PBX1: variants seen among roughly 807,000 people sequenced by gnomAD.
PBX1 encodes the protein PBX homeobox 1.
A neutral mutation model predicts 53.4 loss-of-function variants in PBX1; 6 were observed. That is an observed-to-expected ratio of 0.11 (90% CI 0.06 to 0.22). The LOEUF is 0.22. Ranked by LOEUF, PBX1 falls within the 10% of genes least tolerant of loss-of-function variation. The pLI, the probability that PBX1 is intolerant of heterozygous loss-of-function variation, is 1.00. For missense variants in PBX1, 251 were observed against 551.4 expected, an observed-to-expected ratio of 0.46 and a Z score of 5.46; for synonymous variants, 204 against 212.3, an observed-to-expected ratio of 0.96 and a Z score of 0.34.
intron 2 of PBX1, among the ~76,000 whole-genome samples, chr1:164,628,785 G>C (rs996551569): frequency 3.3e-5 from 5 of 152,020 alleles, no homozygotes; most frequent in Admixed American, 6.6e-5. Flanking sequence ...TAGTGCCTTA[G>C]TTTGGGTTGA....
chr1:164,656,513 T>C (rs1660176110), intron 2 of PBX1, among the ~76,000 whole-genome samples: 1 of 152,176 alleles, frequency 6.6e-6, no homozygotes, highest in Admixed American at 6.5e-5. Flanking sequence ...GCTGAATAGT[T>C]TCACTTCCCT....
intron 2 of PBX1, among the ~76,000 whole-genome samples, chr1:164,626,652 G>A (rs1314629703): frequency 6.6e-6 from 1 of 152,182 alleles, no homozygotes; most frequent in Non-Finnish European, 1.5e-5. Flanking sequence ...GGCAACTGCT[G>A]TTTTCCCGTC....
chr1:164,875,722 A>T (rs1348896888), intron 2 of PBX1, among the ~76,000 whole-genome samples: 1 of 152,050 alleles, frequency 6.6e-6, no homozygotes, highest in Non-Finnish European at 1.5e-5. Flanking sequence ...GCTGGCAGCC[A>T]ACCACACTCC....
chr1:164,762,882 G>A (rs554459137), intron 2 of PBX1, among the ~76,000 whole-genome samples: 85 of 152,260 alleles, frequency 5.6e-4, no homozygotes, highest in South Asian at 1.7e-3. Context: ...GTTTTCATTT[G>A]TCAATCATTG....
At chr1:164,884,088 T>A (rs536812601) in intron 2 of PBX1, among the ~76,000 whole-genome samples, 11 of 152,296 alleles carry the variant, frequency 7.2e-5, no homozygotes, top group African/African-American at 2.6e-4. Context: ...AGCAAGTCAT[T>A]TAATATTACT....
At position 164,807,203 on chromosome 1, in the gene PBX1, G is replaced by C. The variant is rs140819936; in HGVS notation, c.702-339G>C. On this transcript the variant is annotated intron_variant, in intron 4 of 8. Transcript: ENST00000420696. ...ACCCAGGAGGTGGAGGTTCCAGTGA[G>C]CCAAGATCACACCACTGCACTCCAG... 5.9e-3 allele frequency among the ~76,000 whole-genome samples: 893 copies of C among 152,262 alleles called. 9 individuals carry two copies. The highest frequency in any genetic ancestry group is 0.021 in the African/African-American group (859 of 41,534).
chr1:164,670,930 A>G (rs1388245971), intron 2 of PBX1, among the ~76,000 whole-genome samples: 1 of 152,196 alleles, frequency 6.6e-6, no homozygotes, highest in African/African-American at 2.4e-5. Flanking sequence ...GAGAAAATGC[A>G]GTTTCTGGTA....
At chr1:164,700,604 G>A in intron 2 of PBX1, 2 of 985,376 alleles carry the variant, frequency 2.0e-6, no homozygotes, top group Non-Finnish European at 2.4e-6. Context: ...ATTACCTCAT[G>A]GTCTAGTTAC....
chr1:164,719,926 G>A (rs774896464), intron 2 of PBX1, among the ~76,000 whole-genome samples: 6 of 152,174 alleles, frequency 3.9e-5, no homozygotes, highest in Non-Finnish European at 7.3e-5. Context: ...TGCAAACAGA[G>A]TTAACATCCT....
At chr1:164,590,365 T>C (rs759467633) in intron 2 of PBX1, 3 of 456,034 alleles carry the variant, frequency 6.6e-6, no homozygotes, top group South Asian at 4.6e-5. Flanking sequence ...CCTTGTTTTC[T>C]TTGTGCTCTG....
intron 2 of PBX1, among the ~76,000 whole-genome samples, chr1:164,581,296 C>T (rs1183585672): frequency 6.6e-6 from 1 of 150,544 alleles, no homozygotes; most frequent in Non-Finnish European, 1.5e-5. Flanking sequence ...GGCGCAATCT[C>T]GGCTCACTGC....
At chr1:164,747,553 AC>A (rs376752824) in intron 2 of PBX1, among the ~76,000 whole-genome samples, 11 of 152,266 alleles carry the variant, frequency 7.2e-5, no homozygotes, top group African/African-American at 2.4e-4. Context: ...TAAGGAAGTA[AC>A]TGTGTCTCTC....
Position 164,834,417 on chromosome 1 carries a change from C to T in PBX1, c.1201-12167C>T, listed in dbSNP as rs376248723. Among the ~76,000 whole-genome samples, 4 of 150,630 alleles carry T rather than the reference C, an allele frequency of 2.7e-5. No homozygotes were observed. In the East Asian group the frequency reaches 7.9e-4, roughly 30 times the overall value. ...GGAGTGCAGTAGCACAGTCTTGGCT[C>T]ACTGCAACCTCCACTTCCTGGGTTC... is the stretch of plus-strand genomic sequence containing the variant. On this transcript the variant is annotated intron_variant, in intron 8 of 8. Transcript: ENST00000420696.
intron 2 of PBX1, among the ~76,000 whole-genome samples, chr1:164,790,167 C>G (rs1668421476): frequency 2.6e-5 from 4 of 152,126 alleles, no homozygotes; most frequent in Admixed American, 2.6e-4. Flanking sequence ...CAGCCATCTA[C>G]TTTCTTAAGG....
At chr1:164,595,697 G>T (rs1291929513) in intron 2 of PBX1, among the ~76,000 whole-genome samples, 1 of 152,050 alleles carries the variant, frequency 6.6e-6, no homozygotes, top group South Asian at 2.1e-4. Context: ...GATGGTTATG[G>T]TTATGATTAT....
rs1324272984 is a variant in PBX1, at chr1:164,848,551, C to A, written c.*1875C>A. 1.9e-6 allele frequency: 2 copies of A among 1,059,774 alleles called. No individual in the cohort carries two copies. Among genetic ancestry groups the A allele is most frequent in the Non-Finnish European group, 2.3e-6 (2 of 875,988 alleles). 65.6% of individuals were successfully genotyped at this position (1,059,774 alleles called of 1,614,324 possible). On this transcript the variant is annotated 3_prime_UTR_variant, in exon 9 of 9. Coordinates refer to ENST00000420696, the MANE Select transcript of PBX1 (RefSeq NM_002585.4). The stretch of plus-strand genomic sequence containing the variant: ...CTGGTTAATATCAGTACCTTGATGT[C>A]ATCACCGTGATGACAAAGAGAAGAG...
intron 2 of PBX1, among the ~76,000 whole-genome samples, chr1:164,643,479 G>GA (rs1659269056): frequency 6.6e-6 from 1 of 152,158 alleles, no homozygotes; most frequent in African/African-American, 2.4e-5. Context: ...ACAAGAACCA[G>GA]ATATGTGGCA....
At chr1:164,812,641 G>T (rs1669671106) in intron 6 of PBX1, 1 of 152,326 alleles carries the variant, frequency 6.6e-6, no homozygotes, top group South Asian at 2.1e-4. Context: ...GCTTTGGTAT[G>T]CAAAGCCAGG....
At chr1:164,793,574 C>T (rs1327692466) in intron 3 of PBX1, among the ~76,000 whole-genome samples, 2 of 152,228 alleles carry the variant, frequency 1.3e-5, no homozygotes, top group African/African-American at 4.8e-5. Context: ...ATAACAGAGC[C>T]CCTCTCTAAT....
Sources: gnomAD v4.1 joint callset for allele counts (sites outside exome capture counted in the v4.1 genomes callset) on GRCh38, gnomAD v4.1.1 for gene constraint, MANE v1.5 for transcripts, NCBI Gene and HGNC (gene_info 2026-07-23, HGNC 2026-07-21) for gene names.